FAM81B: variants seen among roughly 807,000 people sequenced by gnomAD.
The protein encoded by FAM81B is family with sequence similarity 81 member B.
A neutral mutation model predicts 58.7 loss-of-function variants in FAM81B; 60 were observed. That is an observed-to-expected ratio of 1.02 (90% CI 0.83 to 1.27). FAM81B has a LOEUF of 1.27. Ranked by LOEUF, FAM81B falls within the 50% of genes most tolerant of loss-of-function variation. The pLI is 0.00. For synonymous variants in FAM81B, 189 were observed against 179.6 expected, an observed-to-expected ratio of 1.05 and a Z score of -0.42; for missense variants, 491 against 522.0, an observed-to-expected ratio of 0.94 and a Z score of 0.58.
chr5:95,400,708 A>G (rs1762089694), intron 3 of FAM81B, among the ~76,000 whole-genome samples: 2 of 152,158 alleles, frequency 1.3e-5, no homozygotes, highest in African/African-American at 4.8e-5. Flanking sequence ...TTTACAAGAC[A>G]TTGCAGAGTA....
At chr5:95,428,042 C>A (rs956175766) in intron 5 of FAM81B, among the ~76,000 whole-genome samples, 2 of 152,168 alleles carry the variant, frequency 1.3e-5, no homozygotes, top group Non-Finnish European at 2.9e-5. Flanking sequence ...ATGACAGTGC[C>A]TGACTGAGAC....
intron 9 of FAM81B, chr5:95,448,913 A>G (rs1401442396): frequency 4.6e-5 from 15 of 327,266 alleles, no homozygotes; most frequent in Admixed American, 8.4e-5. Context: ...AGAGGGATGA[A>G]TTAGCAGAGT....
intron 9 of FAM81B, among the ~76,000 whole-genome samples, chr5:95,449,723 C>T (rs182682438): frequency 1.3e-3 from 200 of 152,090 alleles, no homozygotes; most frequent in Non-Finnish European, 1.5e-3. Flanking sequence ...AGCAGGGGGC[C>T]GCTGTTAGGT....
At position 95,450,330 on chromosome 5, in the gene FAM81B, G is replaced by C; in HGVS notation, c.*48G>C. The C allele has an allele frequency of 6.3e-7, 1 of 1,590,754 alleles. No individual in the cohort carries two copies. Among genetic ancestry groups the C allele is most frequent in the Non-Finnish European group, 8.5e-7 (1 of 1,172,554 alleles). On this transcript the variant is annotated 3_prime_UTR_variant, in exon 10 of 10. Coordinates refer to ENST00000283357, the MANE Select transcript of FAM81B (RefSeq NM_152548.3). ...TCATCAGCCAATGGAGTGATTTGTT[G>C]GAAAAAGTTCTGAAGAAGAAAGTTA...
intron 4 of FAM81B, among the ~76,000 whole-genome samples, chr5:95,419,916 C>T (rs543006492): frequency 3.9e-5 from 6 of 152,196 alleles, no homozygotes; most frequent in South Asian, 2.1e-4. Flanking sequence ...TGATGGCCAA[C>T]GGCAACCCAT....
chr5:95,446,479 C>CA (rs1288318965), intron 7 of FAM81B, 83 bp from the exon 8 acceptor site: 30 of 1,334,638 alleles, frequency 2.2e-5, no homozygotes, highest in African/African-American at 3.0e-5. Context: ...CTCGTCACCT[C>CA]AAAAAACTGC....
At chr5:95,421,175 C>T (rs1409542562) in intron 5 of FAM81B, among the ~76,000 whole-genome samples, 1 of 152,182 alleles carries the variant, frequency 6.6e-6, no homozygotes, top group Non-Finnish European at 1.5e-5. Flanking sequence ...AACATGGTCT[C>T]CTTTCTATAG....
At chr5:95,446,530 A>G in intron 7 of FAM81B, 32 bp from the exon 8 acceptor site, 1 of 1,518,082 alleles carries the variant, frequency 6.6e-7, no homozygotes, top group East Asian at 2.4e-5. Context: ...AAATTAACTT[A>G]TTTAAATGAA....
At chr5:95,405,781 A>G (rs1469478576) in intron 3 of FAM81B, among the ~76,000 whole-genome samples, 1 of 152,108 alleles carries the variant, frequency 6.6e-6, no homozygotes, top group Non-Finnish European at 1.5e-5. Context: ...GCACCAGAAA[A>G]CCACTCCCTA....
chr5:95,399,658 G>A (rs1179680564), intron 3 of FAM81B, among the ~76,000 whole-genome samples: 8 of 152,102 alleles, frequency 5.3e-5, no homozygotes. Flanking sequence ...CTGCTCAAGC[G>A]TGAGAACTCC....
chr5:95,402,544 C>G (rs923891782), intron 3 of FAM81B, among the ~76,000 whole-genome samples: 1 of 152,182 alleles, frequency 6.6e-6, no homozygotes, highest in Non-Finnish European at 1.5e-5. Flanking sequence ...TACAGTCCAG[C>G]ATTTGCATCC....
At chr5:95,426,364 A>G (rs1462720959) in intron 5 of FAM81B, among the ~76,000 whole-genome samples, 1 of 152,156 alleles carries the variant, frequency 6.6e-6, no homozygotes, top group Non-Finnish European at 1.5e-5. Context: ...TTGAAAAGCC[A>G]TGAATCAATC....
intron 3 of FAM81B, among the ~76,000 whole-genome samples, chr5:95,410,602 T>C (rs1387916180): frequency 1.3e-5 from 2 of 152,194 alleles, no homozygotes; most frequent in East Asian, 1.9e-4. Flanking sequence ...GCATATATAA[T>C]AGTCATTTTT....
intron 5 of FAM81B, among the ~76,000 whole-genome samples, chr5:95,421,387 C>T (rs1459521621): frequency 6.6e-6 from 1 of 152,144 alleles, no homozygotes; most frequent in South Asian, 2.1e-4. Context: ...GACAATTTAC[C>T]TGGAAGAATA....
At chr5:95,397,411 C>T (rs907351619) in intron 3 of FAM81B, among the ~76,000 whole-genome samples, 1 of 152,196 alleles carries the variant, frequency 6.6e-6, no homozygotes, top group African/African-American at 2.4e-5. Flanking sequence ...TATTAGCTAA[C>T]CTTATCTTCC....
Position 95,414,102 on chromosome 5 carries a change from G to GA in FAM81B, c.453dup (p.Glu152ArgfsTer28). On this transcript the variant is annotated frameshift_variant, in exon 4 of 10. Transcript: ENST00000283357. LOFTEE classifies it high-confidence loss of function. ...TGCCTGCAGGGGACCCATGGCTTTC[G>GA]AAAAGAGGAATCGCTCGCCAGGAAG... 6.2e-7 allele frequency: 1 copy of GA among 1,614,036 alleles called. No individual in the cohort carries two copies. The highest frequency in any genetic ancestry group is 8.5e-7 in the Non-Finnish European group (1 of 1,179,988).
Position 95,395,977 on chromosome 5 carries a change from A to G in FAM81B, c.229-134A>G, listed in dbSNP as rs1438986016. On this transcript the variant is annotated intron_variant, in intron 2 of 9. Coordinates refer to ENST00000283357, the MANE Select transcript of FAM81B (RefSeq NM_152548.3). ...TTAGCAATACAAAGGGGACATGTGT[A>G]AGATTAACTGAGCTGATTATCTGGT... is the stretch of plus-strand genomic sequence containing the variant. The G allele has an allele frequency of 1.1e-5, 7 of 635,652 alleles. No homozygotes were observed. The East Asian group carries it at 2.1e-4, about 19-fold the overall frequency. The allele number at this position is 635,652 out of a possible 1,614,324, so 39.4% of individuals were successfully genotyped here.
chr5:95,424,025 GTTCTTTA>G (rs1762758514), intron 5 of FAM81B: 1 of 1,289,276 alleles, frequency 7.8e-7, no homozygotes, highest in Non-Finnish European at 1.0e-6. Context: ...ATGCAACCGT[GTTCTTTA>G]TCATTTCTAT....
intron 9 of FAM81B, among the ~76,000 whole-genome samples, chr5:95,449,220 AGG>A (rs931441401): frequency 1.1e-4 from 16 of 152,136 alleles, no homozygotes; most frequent in Admixed American, 2.6e-4. Context: ...GATACCTTGG[AGG>A]TGCCTTGGGA....
Sources: allele counts gnomAD v4.1 joint callset (sites outside exome capture counted in the v4.1 genomes callset), GRCh38; gene constraint gnomAD v4.1.1; transcripts MANE v1.5; gene names NCBI Gene and HGNC (gene_info 2026-07-23, HGNC 2026-07-21).